Variants in APBA1 observed in about 807,000 individuals in gnomAD.
APBA1 encodes amyloid-beta A4 precursor protein-binding family A member 1.
A neutral mutation model predicts 86.6 loss-of-function variants in APBA1; 55 were observed. The observed-to-expected ratio is 0.64, with a 90% CI of 0.51 to 0.80. APBA1 has a LOEUF of 0.80. Ranked by LOEUF, APBA1 falls within the 30% of genes least tolerant of loss-of-function variation. APBA1 has a pLI of 0.00. For missense variants in APBA1, 1,090 were observed against 1,183.0 expected (o/e 0.92, Z 1.15); for synonymous variants, 511 against 493.9 (o/e 1.03, Z -0.46).
chr9:69,612,044 T>C (rs1397882135), intron 1 of APBA1, among the ~76,000 whole-genome samples: 1 of 152,140 alleles, frequency 6.6e-6, no homozygotes, highest in Non-Finnish European at 1.5e-5. Flanking sequence ...CTCTATATAT[T>C]TTAAGGTCAT....
chr9:69,464,332 C>T (rs1169551868), intron 5 of APBA1: 1 of 152,172 alleles, frequency 6.6e-6, no homozygotes, highest in Non-Finnish European at 1.5e-5. Flanking sequence ...CAGTTCCTTC[C>T]AATGCATAGA....
chr9:69,492,610 G>T (rs1835731834), intron 2 of APBA1, among the ~76,000 whole-genome samples: 1 of 152,088 alleles, frequency 6.6e-6, no homozygotes, highest in African/African-American at 2.4e-5. Context: ...CAACTGCTGT[G>T]TGCAACTTCT....
At chr9:69,634,527 T>TAG (rs916504603) in intron 1 of APBA1, among the ~76,000 whole-genome samples, 10 of 151,700 alleles carry the variant, frequency 6.6e-5, no homozygotes, top group Admixed American at 3.3e-4. Context: ...AAATAGGAGG[T>TAG]AGAGAGAGAG....
chr9:69,644,535 A>G (rs1201933454), intron 1 of APBA1, among the ~76,000 whole-genome samples: 2 of 152,222 alleles, frequency 1.3e-5, no homozygotes, highest in Admixed American at 6.5e-5. Flanking sequence ...TTCCCCATTC[A>G]AAAAACCTAA....
chr9:69,511,990 G>A (rs980080070), intron 2 of APBA1, among the ~76,000 whole-genome samples: 2 of 151,740 alleles, frequency 1.3e-5, no homozygotes, highest in Non-Finnish European at 2.9e-5. Context: ...GAGTTAGTGG[G>A]TGCAGCGCAC....
At position 69,536,320 on chromosome 9, in the gene APBA1, T is replaced by A. The variant is rs536304210; in HGVS notation, c.-69-19041A>T. Among the ~76,000 whole-genome samples the A allele has an allele frequency of 5.9e-5, 9 of 151,964 alleles. No homozygotes were observed. The South Asian group carries it at 1.7e-3, about 28-fold the overall frequency. On this transcript the variant is annotated intron_variant, in intron 1 of 12. Transcript: ENST00000265381. ...TTTTTATTATGGAAAATGTCAAATATATGAGAAACTAGGGAGAATGGTGTA... is the reference window on the plus strand; with the variant it reads ...TTTTTATTATGGAAAATGTCAAATAAATGAGAAACTAGGGAGAATGGTGTA...
Position 69,430,968 on chromosome 9 carries a change from G to T in APBA1, c.*359C>A. ...AATCAGCTGCTTTGCTGCCCCGCGA[G>T]CTCCTTTTAAGAAGTCTGCACCTCC... On this transcript the variant is annotated 3_prime_UTR_variant, in exon 13 of 13. Coordinates refer to ENST00000265381, the MANE Select transcript of APBA1 (RefSeq NM_001163.4). The T allele has an allele frequency of 4.8e-6, 1 of 207,578 alleles. No individual in the cohort carries two copies. The highest frequency in any genetic ancestry group is 9.6e-6 in the Non-Finnish European group (1 of 103,998). 12.9% of individuals were successfully genotyped at this position (207,578 alleles called of 1,614,324 possible).
intron 1 of APBA1, among the ~76,000 whole-genome samples, chr9:69,600,615 A>G (rs1822329164): frequency 6.6e-6 from 1 of 152,122 alleles, no homozygotes; most frequent in African/African-American, 2.4e-5. Context: ...CCTGGCCAAC[A>G]TGGTGAAACC....
chr9:69,521,537 G>C (rs1480125806), intron 1 of APBA1, among the ~76,000 whole-genome samples: 1 of 152,086 alleles, frequency 6.6e-6, no homozygotes, highest in Non-Finnish European at 1.5e-5. Context: ...TAGTGCACTG[G>C]GTCGGGGGTC....
chr9:69,626,808 GC>G (rs1822943609), intron 1 of APBA1, among the ~76,000 whole-genome samples: 1 of 151,600 alleles, frequency 6.6e-6, no homozygotes, highest in Admixed American at 6.6e-5. Flanking sequence ...AAAGCCAATG[GC>G]ATCTTGGCCC....
chr9:69,520,335 A>G (rs2133894541), intron 1 of APBA1, among the ~76,000 whole-genome samples: 1 of 152,202 alleles, frequency 6.6e-6, no homozygotes, highest in East Asian at 1.9e-4. Flanking sequence ...TATTGGTACA[A>G]AATTTTTGAA....
intron 1 of APBA1, among the ~76,000 whole-genome samples, chr9:69,613,445 A>G (rs1822633215): frequency 6.6e-6 from 1 of 152,044 alleles, no homozygotes; most frequent in Non-Finnish European, 1.5e-5. Context: ...TTCCTCTTGA[A>G]GCTTTTCAGG....
At chr9:69,485,708 A>C (rs778258971) in intron 2 of APBA1, among the ~76,000 whole-genome samples, 5 of 152,094 alleles carry the variant, frequency 3.3e-5, no homozygotes, top group Non-Finnish European at 7.3e-5. Flanking sequence ...CCAGTTCTAC[A>C]TAATTACAAG....
chr9:69,550,362 T>C (rs1836765839), intron 1 of APBA1, among the ~76,000 whole-genome samples: 2 of 152,224 alleles, frequency 1.3e-5, no homozygotes, highest in Non-Finnish European at 2.9e-5. Context: ...TCTCATCCTC[T>C]TTCTCAAATC....
At chr9:69,565,380 CT>C (rs1837009723) in intron 1 of APBA1, among the ~76,000 whole-genome samples, 1 of 152,050 alleles carries the variant, frequency 6.6e-6, no homozygotes, top group South Asian at 2.1e-4. Context: ...GGTGAGAGGC[CT>C]TAGGCAGTCC....
intron 2 of APBA1, among the ~76,000 whole-genome samples, chr9:69,489,844 T>C (rs1259743436): frequency 6.6e-6 from 1 of 152,074 alleles, no homozygotes; most frequent in Non-Finnish European, 1.5e-5. Context: ...AGAGAGGATG[T>C]GGAGAAATAG....
At chr9:69,468,315 T>C (rs1380211384) in intron 4 of APBA1, among the ~76,000 whole-genome samples, 1 of 152,216 alleles carries the variant, frequency 6.6e-6, no homozygotes, top group Admixed American at 6.5e-5. Flanking sequence ...CCTCTGACTC[T>C]CTTGTCTTAC....
At chr9:69,591,838 AG>A (rs1400730764) in intron 1 of APBA1, among the ~76,000 whole-genome samples, 4 of 152,258 alleles carry the variant, frequency 2.6e-5, no homozygotes, top group African/African-American at 9.6e-5. Flanking sequence ...TGATAGGTAC[AG>A]TGCATGTTAA....
chr9:69,594,462 C>T (rs1822191657), intron 1 of APBA1, among the ~76,000 whole-genome samples: 1 of 152,018 alleles, frequency 6.6e-6, no homozygotes, highest in African/African-American at 2.4e-5. Flanking sequence ...TTACTATTTC[C>T]CATGAAACAG....
Sources: allele counts gnomAD v4.1 joint callset (sites outside exome capture counted in the v4.1 genomes callset), GRCh38; gene constraint gnomAD v4.1.1; transcripts MANE v1.5; gene names NCBI Gene and HGNC (gene_info 2026-07-23, HGNC 2026-07-21).